Variants in NOTUM observed in about 807,000 individuals in gnomAD.
The protein encoded by NOTUM is notum, palmitoleoyl-protein carboxylesterase.
A neutral mutation model predicts 65.5 loss-of-function variants in NOTUM; 36 were observed. The ratio of observed to expected loss-of-function variants is 0.55; its 90% CI spans 0.42 to 0.73. NOTUM has a LOEUF of 0.73. Ranked by LOEUF, NOTUM falls within the 30% of genes least tolerant of loss-of-function variation. The pLI, the probability that NOTUM is intolerant of heterozygous loss-of-function variation, is 0.00. For missense variants in NOTUM, 659 were observed against 694.2 expected (o/e 0.95, Z 0.57); for synonymous variants, 356 against 297.9 (o/e 1.20, Z -2.01).
intron 10 of NOTUM, 63 bp from the exon 11 acceptor site, chr17:81,953,330 G>T (rs1357441867): frequency 7.8e-5 from 67 of 858,906 alleles, no homozygotes; most frequent in South Asian, 3.0e-4. Context: ...TGAGGCAGCT[G>T]TTTTTTTTTT....
In NOTUM at chr17:81,959,013, G is replaced by A; in HGVS notation, c.473-18C>T. Reference sequence around the variant, plus strand: ...CCCTGTGCCTGGGGACACAGAGGCGGTGGGTCTTTCTAGCGGGAGGAGGCT... The same window carrying A: ...CCCTGTGCCTGGGGACACAGAGGCGATGGGTCTTTCTAGCGGGAGGAGGCT... On this transcript the variant is annotated intron_variant, in intron 3 of 10. Coordinates refer to ENST00000409678, the MANE Select transcript of NOTUM (RefSeq NM_178493.6). The A allele has an allele frequency of 1.2e-6, 2 of 1,610,784 alleles. No individual in the cohort carries two copies. The highest frequency in any genetic ancestry group is 1.7e-6 in the Non-Finnish European group (2 of 1,177,866).
chr17:81,956,344 C>T (rs2041432831), intron 8 of NOTUM, among the ~76,000 whole-genome samples: 5 of 152,198 alleles, frequency 3.3e-5, no homozygotes, highest in Admixed American at 3.3e-4. Flanking sequence ...CCGGTATAGG[C>T]AGGGTGACCA....
chr17:81,955,345 T>G, intron 9 of NOTUM, 52 bp downstream of exon 9: 1 of 1,463,116 alleles, frequency 6.8e-7, no homozygotes, highest in East Asian at 2.5e-5. Flanking sequence ...CCTCTATTTT[T>G]AAATAAGGAG....
intron 1 of NOTUM, 149 bp from the exon 2 acceptor site, chr17:81,959,841 C>T (rs957110880): frequency 6.9e-6 from 2 of 291,498 alleles, no homozygotes; most frequent in African/African-American, 4.5e-5. Flanking sequence ...CCACGGGGAG[C>T]TCAGGGACGG....
In NOTUM at chr17:81,960,061, AGCGCGGGAG is replaced by A. The variant is rs986983742; in HGVS notation, c.324-378_324-370del. Among the ~76,000 whole-genome samples, 19 of 151,810 alleles carry A rather than the reference AGCGCGGGAG, an allele frequency of 1.3e-4. No homozygotes were observed. The highest frequency in any genetic ancestry group is 4.6e-4 in the African/African-American group (19 of 41,312). On this transcript the variant is annotated intron_variant, in intron 1 of 10. Coordinates refer to ENST00000409678, the MANE Select transcript of NOTUM (RefSeq NM_178493.6). This position sits in a 1 kb window ranked among gnomAD's most constrained non-coding sequence, Gnocchi z 6.4. ...GGCGGGGGAACGGGACGCCGCGGGGAGCGCGGGAGGCGCGGGCGGCACCGACCCGGCGGG... is the reference window on the plus strand; with the variant it reads ...GGCGGGGGAACGGGACGCCGCGGGGAGCGCGGGCGGCACCGACCCGGCGGG...
At chr17:81,956,373 G>A (rs562271809) in intron 8 of NOTUM, among the ~76,000 whole-genome samples, 16 of 152,252 alleles carry the variant, frequency 1.1e-4, no homozygotes, top group Non-Finnish European at 2.1e-4. Context: ...ACTTTGCCTG[G>A]GACTGAGGGG....
At position 81,954,238 on chromosome 17, in the gene NOTUM, C is replaced by T. The variant is rs372106756; in HGVS notation, c.1184+18G>A. The T allele has an allele frequency of 2.6e-5, 41 of 1,599,350 alleles. No individual in the cohort carries two copies. Among genetic ancestry groups the T allele is most frequent in the African/African-American group, 8.0e-5 (6 of 74,600 alleles). ...GTTGATGTCATGGACGCAAGCTGCC[C>T]GGAGCAGGGACACTGACCTCCGGAT... is the stretch of plus-strand genomic sequence containing the variant. On this transcript the variant is annotated intron_variant, in intron 10 of 10. Coordinates refer to ENST00000409678, the MANE Select transcript of NOTUM (RefSeq NM_178493.6).
rs564753527 is a variant in NOTUM at position 81,960,859 on chromosome 17, G to A, written c.51C>T (p.Ala17=). The A allele has an allele frequency of 6.3e-4, 932 of 1,480,280 alleles. 4 individuals carry two copies. Among genetic ancestry groups the A allele is most frequent in the Non-Finnish European group, 3.8e-4 (425 of 1,120,164 alleles). The allele number at this position is 1,480,280 out of a possible 1,614,324, so 91.7% of individuals were successfully genotyped here. A position where few individuals can be genotyped will look rare whatever the true frequency, so the allele number is the denominator to read the frequency against. ...VLLLLSLLHC[A]GGSEGRKTWR... ...AGGTCTTCCTGCCCTCGCTGCCCCC[G>A]GCGCAGTGCAGCAGGCTCAGCAGCA... Residue 17 remains alanine, a synonymous_variant, in exon 1 of 11, where the codon GCC becomes GCT. Transcript: ENST00000409678. The surrounding 1 kb of genome is among the most constrained non-coding windows in gnomAD (Gnocchi z 6.4).
rs2041445258 is a variant in NOTUM at position 81,957,898 on chromosome 17, G to T, written c.603C>A (p.Ala201=). 2 of 1,601,516 alleles carry T rather than the reference G, an allele frequency of 1.2e-6. No homozygotes were observed. The highest frequency in any genetic ancestry group is 1.7e-6 in the Non-Finnish European group (2 of 1,174,578). ...CCTGGATGATGAGGGCGCCCATGAA[G>T]GCGTACTCGTCTGCAAGAGGGAGGG... ...ASSKSEKNEY[A]FMGALIIQEV... The change falls in exon 6 of 11, where the codon GCC becomes GCA. Residue 201 remains alanine, a synonymous_variant. Transcript: ENST00000409678.
rs2041400598 is a variant in NOTUM, at chr17:81,953,166, A to AG, written c.1285dup (p.Leu429ProfsTer59). On this transcript the variant is annotated frameshift_variant, in exon 11 of 11. Transcript: ENST00000409678. LOFTEE classifies it high-confidence loss of function. Reference sequence around the variant, plus strand: ...CACCAGGTGGACGGGGCAGCCCTTGAGGGGGGTCTTGCTGGCCTTGTGGCT... The same window carrying AG: ...CACCAGGTGGACGGGGCAGCCCTTGAGGGGGGGTCTTGCTGGCCTTGTGGCT... 6.2e-7 allele frequency: 1 copy of AG among 1,612,804 alleles called. No homozygotes were observed. Among genetic ancestry groups the AG allele is most frequent in the Non-Finnish European group, 8.5e-7 (1 of 1,179,496 alleles).
intron 8 of NOTUM, among the ~76,000 whole-genome samples, chr17:81,956,147 G>T (rs2041431677): frequency 2.0e-5 from 3 of 152,252 alleles, no homozygotes; most frequent in Admixed American, 1.3e-4. Flanking sequence ...CCTTGAAGAC[G>T]GGCTCTGTTT....
At chr17:81,956,861 C>G in intron 7 of NOTUM, 22 bp downstream of exon 7, 2 of 1,603,166 alleles carry the variant, frequency 1.2e-6, no homozygotes, top group Non-Finnish European at 1.7e-6. Flanking sequence ...AGCACGAGGA[C>G]GGGCCCTCCC....
chr17:81,955,463 T>C lies in NOTUM; in HGVS notation c.1070A>G (p.Gln357Arg), dbSNP rs1598367464. ...CTGGATGTACAGCCGCAGGCCCTCC[T>C]GCACCGGCTGCCCCGTCAGGTGCAC... ...DNVHLTGQPVQEGLRLYIQNL... is the reference protein window; with the variant it reads ...DNVHLTGQPVREGLRLYIQNL... Residue 357 changes from glutamine to arginine, a missense_variant, in exon 9 of 11, where the codon CAG becomes CGG. By Grantham distance (43) the Gln-to-Arg change is conservative. Coordinates refer to ENST00000409678, the MANE Select transcript of NOTUM (RefSeq NM_178493.6). 2.5e-6 allele frequency: 4 copies of C among 1,608,774 alleles called. No homozygotes were observed. The highest frequency in any genetic ancestry group is 4.5e-5 in the East Asian group (2 of 44,732).
intron 3 of NOTUM, 77 bp downstream of exon 3, chr17:81,959,394 G>T: frequency 8.7e-7 from 1 of 1,155,272 alleles, no homozygotes; most frequent in Non-Finnish European, 1.2e-6. Context: ...TGGGGGCCTG[G>T]CTGGGGCTCC....
intron 5 of NOTUM, 26 bp from the exon 6 acceptor site, chr17:81,957,934 G>A (rs1056669286): frequency 2.0e-6 from 3 of 1,524,180 alleles, no homozygotes; most frequent in Non-Finnish European, 2.7e-6. Context: ...GGTGGCCTCA[G>A]GTAGGGGCCT....
At chr17:81,956,078 C>A (rs1265031762) in intron 8 of NOTUM, among the ~76,000 whole-genome samples, 1 of 152,182 alleles carries the variant, frequency 6.6e-6, no homozygotes, top group Non-Finnish European at 1.5e-5. Flanking sequence ...TTTTTATAAT[C>A]CACAGCTTCA....
intron 6 of NOTUM, 124 bp downstream of exon 6, chr17:81,957,682 C>T (rs2041443711): frequency 2.9e-6 from 2 of 682,734 alleles, no homozygotes; most frequent in Non-Finnish European, 2.6e-6. Flanking sequence ...TCCTAGCCAC[C>T]TGCCAAGATC....
Position 81,959,712 on chromosome 17 carries a change from G to A in NOTUM, c.324-20C>T, listed in dbSNP as rs2041459633. On this transcript the variant is annotated intron_variant, in intron 1 of 10. Transcript: ENST00000409678. Reference sequence around the variant, plus strand: ...TAGTAGCTGCGGGGGAGGACGCACCGCGGGGGGTCGGCCAGGGCTGCCGAC... The same window carrying A: ...TAGTAGCTGCGGGGGAGGACGCACCACGGGGGGTCGGCCAGGGCTGCCGAC... The A allele has an allele frequency of 2.1e-6, 3 of 1,432,214 alleles. No homozygotes were observed. The highest frequency in any genetic ancestry group is 1.5e-5 in the African/African-American group (1 of 67,132). The allele number at this position is 1,432,214 out of a possible 1,614,324, so 88.7% of individuals were successfully genotyped here. A position where few individuals can be genotyped will look rare whatever the true frequency, so the allele number is the denominator to read the frequency against.
rs1476702568 is a variant in NOTUM, at chr17:81,961,090, C to A, written c.-181G>T. On this transcript the variant is annotated 5_prime_UTR_variant, in exon 1 of 11. Transcript: ENST00000409678. ...GCGCGCGGCTCGGCGTCGAGGCGCT[C>A]GGGGCCGGGTGCCGTCGGCCTCCGC... 1 of 164,450 alleles carries A rather than the reference C, an allele frequency of 6.1e-6. No individual in the cohort carries two copies. Among genetic ancestry groups the A allele is most frequent in the South Asian group, 1.8e-4 (1 of 5,580 alleles). The allele number at this position is 164,450 out of a possible 1,614,324, so 10.2% of individuals were successfully genotyped here.
Sources: gnomAD v4.1 joint callset for allele counts (sites outside exome capture counted in the v4.1 genomes callset) on GRCh38, gnomAD v4.1.1 for gene constraint, Gnocchi (gnomAD v3.1) non-coding constraint, MANE v1.5 for transcripts, NCBI Gene and HGNC (gene_info 2026-07-23, HGNC 2026-07-21) for gene names.